Variants in STK35 observed in about 807,000 individuals in gnomAD.
The protein encoded by STK35 is serine/threonine kinase 35.
A neutral mutation model predicts 37.3 loss-of-function variants in STK35; 17 were observed. That is an observed-to-expected ratio of 0.46 (90% CI 0.31 to 0.68). The LOEUF (loss-of-function observed/expected upper bound fraction) is 0.68, where lower values mean the gene tolerates loss of function less well. Among genes scored for constraint, STK35 ranks in the 30% least tolerant of loss-of-function variants. The probability of loss-of-function intolerance (pLI) is 0.05; values close to 1 mark genes in which losing one functional copy is unlikely to be tolerated. For missense variants in STK35, 595 were observed against 746.7 expected (o/e 0.80, Z 2.37); for synonymous variants, 385 against 319.1 (o/e 1.21, Z -2.20).
In STK35 at chr20:2,102,863, G is replaced by A; in HGVS notation, c.390G>A (p.Pro130=). 1 of 1,557,722 alleles carries A rather than the reference G, an allele frequency of 6.4e-7. No individual in the cohort carries two copies. ...CAGCGCCGTTGCTGCTCCCCCCGCC[G>A]CCCGCAGCCATGGAAACGGGGAAGG... is the stretch of plus-strand genomic sequence containing the variant. ...ARAAPLLLPP[P]PAAMETGKDG... Residue 130 remains proline (P), a synonymous_variant, in exon 2 of 4, where the codon CCG becomes CCA. Coordinates refer to ENST00000381482, the MANE Select transcript of STK35 (RefSeq NM_080836.4).
intron 3 of STK35, among the ~76,000 whole-genome samples, chr20:2,124,730 C>G (rs1985875503): frequency 6.6e-6 from 1 of 152,288 alleles, no homozygotes. Context: ...AATTGAAGCT[C>G]AGTCTTCAAC....
intron 2 of STK35, among the ~76,000 whole-genome samples, chr20:2,109,873 A>G (rs1389078956): frequency 2.6e-5 from 4 of 152,234 alleles, no homozygotes. Flanking sequence ...GGGGGCAGGT[A>G]GTAGAGGGAA....
At position 2,136,674 on chromosome 20, in the gene STK35, A is replaced by T. The variant is rs143765524; in HGVS notation, c.*38-7110A>T. Among the ~76,000 whole-genome samples the T allele has an allele frequency of 1.6e-4, 25 of 152,318 alleles. 1 individual carries two copies. In the East Asian group the frequency reaches 4.8e-3, roughly 29 times the overall value. ...GTTTTATTGCTATGTACTAATTCCC[A>T]GTTTCTAGCTATCACCTGGTATTTG... is the stretch of plus-strand genomic sequence containing the variant. On this transcript the variant is annotated intron_variant, in intron 3 of 3. Transcript: ENST00000381482.
At chr20:2,142,953 T>C (rs1600624754) in intron 3 of STK35, among the ~76,000 whole-genome samples, 1 of 152,348 alleles carries the variant, frequency 6.6e-6, no homozygotes, top group Admixed American at 6.5e-5. Context: ...GCTTCTTGTC[T>C]TATTCCTGAG....
chr20:2,124,259 C>A (rs1272085596), intron 3 of STK35, among the ~76,000 whole-genome samples: 3 of 152,198 alleles, frequency 2.0e-5, no homozygotes, highest in African/African-American at 7.2e-5. Context: ...TCCTCTCCTA[C>A]TCTGCAAAGG....
intron 2 of STK35, among the ~76,000 whole-genome samples, chr20:2,111,087 T>C (rs1320777914): frequency 6.6e-6 from 1 of 152,208 alleles, no homozygotes; most frequent in Non-Finnish European, 1.5e-5. Context: ...TTAAATCTTA[T>C]TTATCCTAAA....
At position 2,145,770 on chromosome 20, in the gene STK35, C is replaced by T. The variant is rs918975972; in HGVS notation, c.*2024C>T. 21 of 152,204 alleles carry T rather than the reference C, an allele frequency of 1.4e-4. No homozygotes were observed. Among genetic ancestry groups the T allele is most frequent in the African/African-American group, 4.8e-4 (20 of 41,398 alleles). 9.4% of individuals were successfully genotyped at this position (152,204 alleles called of 1,614,324 possible). ...ACACGGTTCCTTTTCCGCCCGCCAC[C>T]CTGCCTTTCCTTGGGGGCAGCTGTC... On this transcript the variant is annotated 3_prime_UTR_variant, in exon 4 of 4. Coordinates refer to ENST00000381482, the MANE Select transcript of STK35 (RefSeq NM_080836.4).
chr20:2,106,203 G>A (rs1985512082), intron 2 of STK35, among the ~76,000 whole-genome samples: 1 of 152,162 alleles, frequency 6.6e-6, no homozygotes, highest in Admixed American at 6.5e-5. Context: ...CTGTCCTGGG[G>A]CCTTGGGTTT....
At chr20:2,102,630 C>G (rs1011232795) in intron 1 of STK35, 138 bp from the exon 2 acceptor site, 1 of 753,716 alleles carries the variant, frequency 1.3e-6, no homozygotes, top group Non-Finnish European at 1.9e-6. Context: ...CCTCCCCTCC[C>G]CCGTTCAATC....
At chr20:2,115,701 A>G (rs780517008) in intron 2 of STK35, among the ~76,000 whole-genome samples, 1 of 152,190 alleles carries the variant, frequency 6.6e-6, no homozygotes, top group Non-Finnish European at 1.5e-5. Context: ...TGTCTTGTAC[A>G]TCGACTTTAG....
At chr20:2,114,175 C>T (rs1032152186) in intron 2 of STK35, among the ~76,000 whole-genome samples, 6 of 152,128 alleles carry the variant, frequency 3.9e-5, no homozygotes, top group South Asian at 4.2e-4. Flanking sequence ...TGTTTTCTCC[C>T]GGGAGTTCGT....
At chr20:2,105,636 T>G (rs1330624118) in intron 2 of STK35, among the ~76,000 whole-genome samples, 1 of 152,140 alleles carries the variant, frequency 6.6e-6, no homozygotes, top group African/African-American at 2.4e-5. Context: ...ACCTATGACA[T>G]TAGGTACATA....
intron 3 of STK35, among the ~76,000 whole-genome samples, chr20:2,129,355 A>G (rs1568579653): frequency 1.3e-5 from 2 of 152,106 alleles, no homozygotes; most frequent in African/African-American, 2.4e-5. Context: ...TAGAACGGGA[A>G]TGAAAAGCTG....
In STK35 at chr20:2,115,070, A is replaced by G. The variant is rs188081971; in HGVS notation, c.893-1596A>G. On this transcript the variant is annotated intron_variant, in intron 2 of 3. Transcript: ENST00000381482. ...AAATAACTGATTTGAAAAGAACAAA[A>G]AACATCTGCCCTAAACTGGTTCTAC... Among the ~76,000 whole-genome samples, 314 of 152,368 alleles carry G rather than the reference A, an allele frequency of 2.1e-3. 1 individual carries two copies. The highest frequency in any genetic ancestry group is 3.8e-3 in the Admixed American group (58 of 15,302).
intron 2 of STK35, among the ~76,000 whole-genome samples, chr20:2,111,144 C>T (rs1281212238): frequency 1.3e-4 from 20 of 152,178 alleles, no homozygotes. Context: ...CCTTGCCAGC[C>T]CTCACTTCAC....
rs558824627 is a variant in STK35 at position 2,105,086 on chromosome 20, G to A, written c.892+1721G>A. ...GCAGGAGGATCAGTTGAGCCTGGGA[G>A]GTTGAGGCTACAGTGAGCCATTATC... On this transcript the variant is annotated intron_variant, in intron 2 of 3. Transcript: ENST00000381482. Among the ~76,000 whole-genome samples, 3 of 151,660 alleles carry A rather than the reference G, an allele frequency of 2.0e-5. No individual in the cohort carries two copies. The East Asian group carries it at 5.8e-4, about 29-fold the overall frequency.
At chr20:2,123,047 G>A (rs778235330) in intron 3 of STK35, among the ~76,000 whole-genome samples, 21 of 152,194 alleles carry the variant, frequency 1.4e-4, no homozygotes, top group Non-Finnish European at 2.8e-4. Flanking sequence ...CCAAACTGAT[G>A]TTCCAGGTGC....
At chr20:2,130,520 G>A (rs1568580134) in intron 3 of STK35, among the ~76,000 whole-genome samples, 1 of 152,092 alleles carries the variant, frequency 6.6e-6, no homozygotes, top group South Asian at 2.1e-4. Flanking sequence ...GCGGGGTCTT[G>A]TCACATGGGC....
intron 3 of STK35, among the ~76,000 whole-genome samples, chr20:2,120,360 A>G (rs890578811): frequency 9.2e-5 from 14 of 152,222 alleles, no homozygotes; most frequent in African/African-American, 2.9e-4. Flanking sequence ...GATTAGGAAT[A>G]TGGTTACTGG....
Sources: allele counts gnomAD v4.1 joint callset (sites outside exome capture counted in the v4.1 genomes callset), GRCh38; gene constraint gnomAD v4.1.1; transcripts MANE v1.5; gene names NCBI Gene and HGNC (gene_info 2026-07-23, HGNC 2026-07-21).